Variants in METTL15 observed in about 807,000 individuals in gnomAD.
METTL15 encodes the protein methyltransferase 15, mitochondrial 12S rRNA N4-cytidine.
A neutral mutation model predicts 38.3 loss-of-function variants in METTL15; 34 were observed. The observed-to-expected ratio is 0.89, with a 90% CI of 0.68 to 1.18. METTL15 has a LOEUF of 1.18. METTL15 is among the 50% of genes most tolerant of loss of function. METTL15 has a pLI of 0.00. For synonymous variants in METTL15, 162 were observed against 170.9 expected, an observed-to-expected ratio of 0.95 and a Z score of 0.41; for missense variants, 438 against 498.4, an observed-to-expected ratio of 0.88 and a Z score of 1.15.
At chr11:28,316,574 A>G (rs1590314003) in intron 6 of METTL15, among the ~76,000 whole-genome samples, 2 of 152,116 alleles carry the variant, frequency 1.3e-5, no homozygotes, top group East Asian at 3.9e-4. Flanking sequence ...GGAAGGCATG[A>G]TTGGTTTTGA....
chr11:28,349,321 G>C (rs546947881), intron 3 of METTL15, among the ~76,000 whole-genome samples: 6 of 152,196 alleles, frequency 3.9e-5, no homozygotes, highest in Non-Finnish European at 8.8e-5. Context: ...GACTTGCCCT[G>C]TGTTCAGATT....
intron 3 of METTL15, among the ~76,000 whole-genome samples, chr11:28,146,236 T>C (rs1479597459): frequency 6.6e-6 from 1 of 152,054 alleles, no homozygotes; most frequent in Non-Finnish European, 1.5e-5. Context: ...ACTAAGAAGG[T>C]TGGTGAACCC....
exon 6 of METTL15, chr11:28,424,356 G>A (rs1464873902): frequency 6.6e-6 from 1 of 152,046 alleles, no homozygotes; most frequent in Non-Finnish European, 1.5e-5. Context: ...TTGTCTGCTG[G>A]TGCTTAAGGT....
At chr11:28,204,178 T>C (rs889048471) in intron 3 of METTL15, among the ~76,000 whole-genome samples, 1 of 152,056 alleles carries the variant, frequency 6.6e-6, no homozygotes. Flanking sequence ...TGGGGGATTG[T>C]AGAAATCAAG....
intron 5 of METTL15, among the ~76,000 whole-genome samples, chr11:28,406,833 G>A (rs1001015907): frequency 2.0e-5 from 3 of 152,106 alleles, no homozygotes; most frequent in African/African-American, 7.2e-5. Flanking sequence ...GTCATAAATG[G>A]CTCTTATTAT....
At position 28,311,003 on chromosome 11, in the gene METTL15, T is replaced by TGA. The variant is rs150856463; in HGVS notation, c.778+14092_778+14093dup. The stretch of plus-strand genomic sequence containing the variant: ...GTGTGTGTGTGTGTGTGTGTGTGTG[T>TGA]GAGAGAGAGAGAGAGAGAGAGGAAG... On this transcript the variant is annotated intron_variant, in intron 6 of 6. Transcript: ENST00000407364. Among the ~76,000 whole-genome samples, 161 of 118,958 alleles carry TGA rather than the reference T, an allele frequency of 1.4e-3. 1 individual carries two copies. The highest frequency in any genetic ancestry group is 1.6e-3 in the Non-Finnish European group (97 of 59,264). 78.0% of individuals were successfully genotyped at this position (118,958 alleles called of 152,430 possible).
chr11:28,309,957 G>C (rs183756716), intron 6 of METTL15, among the ~76,000 whole-genome samples: 1 of 151,982 alleles, frequency 6.6e-6, no homozygotes, highest in African/African-American at 2.4e-5. Context: ...GCCTACCCAC[G>C]TCTACTTTTT....
chr11:28,316,294 C>T (rs1857478640), intron 6 of METTL15, among the ~76,000 whole-genome samples: 1 of 152,192 alleles, frequency 6.6e-6, no homozygotes, highest in African/African-American at 2.4e-5. Flanking sequence ...CAAAGGAGAT[C>T]ATTTTGGAGC....
intron 5 of METTL15, among the ~76,000 whole-genome samples, chr11:28,424,029 CA>C: frequency 6.6e-6 from 1 of 151,930 alleles, no homozygotes. Flanking sequence ...AAGAAACAAA[CA>C]AAAAACTTCC....
chr11:28,402,046 TTTGGTAGTTTCTA>T (rs1367867487), intron 5 of METTL15, among the ~76,000 whole-genome samples: 20 of 152,076 alleles, frequency 1.3e-4, no homozygotes, highest in African/African-American at 4.8e-4. Flanking sequence ...CCAAGAGTGT[TTTGGTAGTTTCTA>T]GAACCTTTAT....
At chr11:28,373,965 C>G (rs1368964004) in intron 5 of METTL15, among the ~76,000 whole-genome samples, 1 of 152,030 alleles carries the variant, frequency 6.6e-6, no homozygotes, top group Non-Finnish European at 1.5e-5. Context: ...TGTCAAAGAT[C>G]AGATAGTTGT....
At chr11:28,433,729 T>G (rs747087115) in intron 6 of METTL15, among the ~76,000 whole-genome samples, 1 of 152,092 alleles carries the variant, frequency 6.6e-6, no homozygotes, top group Non-Finnish European at 1.5e-5. Flanking sequence ...TTGAAGGTCT[T>G]TAAGTAGATT....
At chr11:28,525,233 G>A (rs755890442) in intron 6 of METTL15, among the ~76,000 whole-genome samples, 10 of 152,144 alleles carry the variant, frequency 6.6e-5, no homozygotes, top group East Asian at 1.9e-4. Context: ...CTGCTGCCTC[G>A]CGCAGCCTGC....
intron 6 of METTL15, among the ~76,000 whole-genome samples, chr11:28,455,216 CTTTTTTTTTTTT>C (rs34686157): frequency 1.2e-5 from 1 of 85,834 alleles, no homozygotes; most frequent in South Asian, 4.2e-4. Context: ...GATCAGCTAG[CTTTTTTTTTTTT>C]TTTTTTTTTT....
chr11:28,316,698 A>T (rs1857492854), intron 6 of METTL15, among the ~76,000 whole-genome samples: 1 of 152,136 alleles, frequency 6.6e-6, no homozygotes, highest in Non-Finnish European at 1.5e-5. Flanking sequence ...TGTGGGAAGG[A>T]CCTGGTGGAA....
intron 5 of METTL15, among the ~76,000 whole-genome samples, chr11:28,412,523 T>C (rs955366732): frequency 1.6e-4 from 25 of 152,050 alleles, no homozygotes; most frequent in African/African-American, 5.5e-4. Flanking sequence ...TTCCATAATA[T>C]CAGAATATAC....
rs146367767 is a variant in METTL15 at position 28,281,503 on chromosome 11, G to A, written c.408-8703G>A. On this transcript the variant is annotated intron_variant, in intron 4 of 6. Transcript: ENST00000407364. The stretch of plus-strand genomic sequence containing the variant: ...TTCTTTGTTCCCTCAAGTCTTAGCC[G>A]TTTTTATAGCTCTCTGATTCCTTCA... Among the ~76,000 whole-genome samples the A allele has an allele frequency of 7.5e-3, 1,145 of 152,236 alleles. 44 individuals carry two copies. Among genetic ancestry groups the A allele is most frequent in the Admixed American group, 0.056 (855 of 15,296 alleles).
downstream of METTL15, among the ~76,000 whole-genome samples, chr11:28,530,180 G>T (rs1327535277): frequency 6.6e-6 from 1 of 152,136 alleles, no homozygotes; most frequent in Non-Finnish European, 1.5e-5. Context: ...AAAGATCTAT[G>T]CCTGTTGGCA....
rs151049048 is a variant in METTL15, at chr11:28,387,097, G to A, written c.*358+25061G>A. Among the ~76,000 whole-genome samples, 1,163 of 151,942 alleles carry A rather than the reference G, an allele frequency of 7.7e-3. 73 individuals are homozygous for A. The highest frequency in any genetic ancestry group is 0.067 in the Admixed American group (1,024 of 15,234). ...GAAGGCTATAGTCATAAACACTTAC[G>A]TTAAAAGGAGAAGGATCTTAAATCA... On this transcript the variant is annotated intron_variant and NMD_transcript_variant, in intron 5 of 7. Transcript: ENST00000532947.
Sources: allele counts gnomAD v4.1 joint callset (sites outside exome capture counted in the v4.1 genomes callset), GRCh38; gene constraint gnomAD v4.1.1; transcripts MANE v1.5; gene names NCBI Gene and HGNC (gene_info 2026-07-23, HGNC 2026-07-21).